The following CCDC138 variants were observed in gnomAD, a reference collection of about 807,000 sequenced individuals.
CCDC138 encodes coiled-coil domain-containing protein 138.
CCDC138 carries 66 observed loss-of-function variants against 82.3 expected under a neutral mutation model. The ratio of observed to expected loss-of-function variants is 0.80; its 90% confidence interval spans 0.66 to 0.98. CCDC138 has a LOEUF of 0.98. Ranked by LOEUF, CCDC138 falls within the 50% of genes least tolerant of loss-of-function variation. The pLI, the probability that CCDC138 is intolerant of heterozygous loss-of-function variation, is 0.00. For synonymous variants in CCDC138, 297 were observed against 265.4 expected (o/e 1.12, Z -1.16); for missense variants, 816 against 758.9 (o/e 1.08, Z -0.88).
chr2:108,849,947 A>G (rs749604487), intron 12 of CCDC138, among the ~76,000 whole-genome samples: 1 of 152,216 alleles, frequency 6.6e-6, no homozygotes, highest in African/African-American at 2.4e-5. Flanking sequence ...GTGCCTGCAC[A>G]CAAGACCTGG....
At chr2:108,789,125 TATTA>T (rs1257812741) in intron 3 of CCDC138, among the ~76,000 whole-genome samples, 159 bp downstream of exon 3, 1 of 152,248 alleles carries the variant, frequency 6.6e-6, no homozygotes, top group Non-Finnish European at 1.5e-5. Context: ...GCGAGTCACT[TATTA>T]ATTTTTACTG....
intron 13 of CCDC138, among the ~76,000 whole-genome samples, chr2:108,869,818 C>G (rs188150506): frequency 4.3e-4 from 65 of 152,266 alleles, no homozygotes; most frequent in Admixed American, 4.2e-3. Flanking sequence ...GAAGGCCTTT[C>G]ATGTCAGTCT....
downstream of CCDC138, among the ~76,000 whole-genome samples, chr2:108,879,534 CATT>C (rs536742190): frequency 4.4e-4 from 67 of 152,124 alleles, no homozygotes; most frequent in Non-Finnish European, 8.8e-4. Context: ...ATGACAGAAA[CATT>C]AATCCATGAT....
rs764469469 is a variant in CCDC138 at position 108,827,613 on chromosome 2, GA to G, written c.1206+11509del. On this transcript the variant is annotated intron_variant, in intron 10 of 14. Coordinates refer to ENST00000295124, the MANE Select transcript of CCDC138 (RefSeq NM_144978.3). ...GGGCGGATCACGAGGTCAGGAGACG[GA>G]GACTATCCTGGCTAACACAGTGAAA... Among the ~76,000 whole-genome samples, 561 of 152,120 alleles carry G rather than the reference GA, an allele frequency of 3.7e-3. 3 individuals are homozygous for G. Among genetic ancestry groups the G allele is most frequent in the Middle Eastern group, 6.8e-3 (2 of 294 alleles).
intron 12 of CCDC138, among the ~76,000 whole-genome samples, chr2:108,850,275 GA>G (rs1691232497): frequency 6.6e-6 from 1 of 152,094 alleles, no homozygotes; most frequent in African/African-American, 2.4e-5. Flanking sequence ...AAATTTAGTA[GA>G]AAATGAGAAA....
At chr2:108,858,825 C>T (rs1182421144) in intron 13 of CCDC138, among the ~76,000 whole-genome samples, 3 of 151,936 alleles carry the variant, frequency 2.0e-5, no homozygotes, top group African/African-American at 7.3e-5. Flanking sequence ...CCAGCTGCAT[C>T]CATGTTGCTG....
At position 108,876,274 on chromosome 2, in the gene CCDC138, A is replaced by G. The variant is rs201629251; in HGVS notation, c.*21A>G. On this transcript the variant is annotated 3_prime_UTR_variant, in exon 15 of 15. Coordinates refer to ENST00000295124, the MANE Select transcript of CCDC138 (RefSeq NM_144978.3). The stretch of plus-strand genomic sequence containing the variant: ...CTTAGACTGGCTAATTTTTTAATAT[A>G]GTATATGTGGTGCTTATTTATAAAC... 2 of 1,459,666 alleles carry G rather than the reference A, an allele frequency of 1.4e-6. No individual in the cohort carries two copies. Among genetic ancestry groups the G allele is most frequent in the Non-Finnish European group, 1.9e-6 (2 of 1,060,614 alleles). The allele number at this position is 1,459,666 out of a possible 1,614,324, so 90.4% of individuals were successfully genotyped here. A position where few individuals can be genotyped will look rare whatever the true frequency, so the allele number is the denominator to read the frequency against.
intron 13 of CCDC138, 64 bp from the exon 14 acceptor site, chr2:108,873,387 A>T (rs1442740436): frequency 1.4e-6 from 2 of 1,383,030 alleles, no homozygotes; most frequent in Non-Finnish European, 1.9e-6. Flanking sequence ...TCTGATTTTA[A>T]TTTGTTTTTA....
At chr2:108,881,115 A>G (rs574596222), downstream of CCDC138, among the ~76,000 whole-genome samples, 25 of 152,346 alleles carry the variant, frequency 1.6e-4, no homozygotes, top group African/African-American at 5.5e-4. Context: ...TGGTCTTCCA[A>G]TAGAAGGCTG....
chr2:108,795,953 G>T (rs1680795945), intron 5 of CCDC138, among the ~76,000 whole-genome samples: 1 of 152,196 alleles, frequency 6.6e-6, no homozygotes, highest in Non-Finnish European at 1.5e-5. Flanking sequence ...AGATTGCAAG[G>T]ATGTATCTAT....
chr2:108,788,964 T>C lies in CCDC138; in HGVS notation c.264T>C (p.Asn88=), dbSNP rs759060426. The C allele has an allele frequency of 1.2e-5, 19 of 1,613,856 alleles. No individual in the cohort carries two copies. The highest frequency in any genetic ancestry group is 1.4e-5 in the Non-Finnish European group (16 of 1,179,956). Residue 88 remains asparagine, a splice_region_variant and synonymous_variant, in exon 3 of 15, where the codon AAT becomes AAC. Coordinates refer to ENST00000295124, the MANE Select transcript of CCDC138 (RefSeq NM_144978.3). ...LGSLFKHVNV[N]CLDDELDSFH... ...GCTTATTCAAGCACGTAAATGTGAA[T>C]TGGTAAAGTACCCTGAAACTTTACT...
At chr2:108,821,040 T>A (rs533657984) in intron 10 of CCDC138, among the ~76,000 whole-genome samples, 1 of 152,134 alleles carries the variant, frequency 6.6e-6, no homozygotes, top group East Asian at 1.9e-4. Flanking sequence ...TAAGTCTATG[T>A]TAGGGGTTAA....
At chr2:108,824,721 A>G (rs1268938119) in intron 10 of CCDC138, among the ~76,000 whole-genome samples, 2 of 152,248 alleles carry the variant, frequency 1.3e-5, no homozygotes, top group African/African-American at 4.8e-5. Flanking sequence ...ACTGTACATA[A>G]CAAATGTATG....
chr2:108,844,594 G>A (rs1225376719), intron 11 of CCDC138, among the ~76,000 whole-genome samples: 1 of 152,062 alleles, frequency 6.6e-6, no homozygotes, highest in South Asian at 2.1e-4. Flanking sequence ...TCCTTGGAAT[G>A]GTGGGTGATT....
chr2:108,846,371 G>A (rs1013241323), intron 11 of CCDC138, among the ~76,000 whole-genome samples: 1 of 151,970 alleles, frequency 6.6e-6, no homozygotes. Context: ...ACATATATTT[G>A]ATTTAATATT....
intron 9 of CCDC138, among the ~76,000 whole-genome samples, chr2:108,814,654 T>A (rs1684450427): frequency 1.3e-5 from 2 of 151,306 alleles, no homozygotes; most frequent in Admixed American, 6.6e-5. Context: ...TTTTATTTTT[T>A]AATTTATTAA....
chr2:108,828,050 T>A (rs1354027015), intron 10 of CCDC138, among the ~76,000 whole-genome samples: 1 of 151,840 alleles, frequency 6.6e-6, no homozygotes, highest in East Asian at 1.9e-4. Context: ...ATGATAAAGG[T>A]AGCATGTTAA....
intron 11 of CCDC138, 90 bp from the exon 12 acceptor site, chr2:108,846,648 A>G (rs1690531718): frequency 3.4e-6 from 4 of 1,163,356 alleles, no homozygotes; most frequent in South Asian, 2.9e-5. Flanking sequence ...CTGCATTCCA[A>G]CCTGGGCAAC....
intron 3 of CCDC138, among the ~76,000 whole-genome samples, chr2:108,789,453 G>A (rs1226767330): frequency 6.6e-6 from 1 of 152,164 alleles, no homozygotes; most frequent in African/African-American, 2.4e-5. Context: ...AATTAGCCAG[G>A]CTTGGTGGTG....
Sources: allele counts gnomAD v4.1 joint callset (sites outside exome capture counted in the v4.1 genomes callset), GRCh38; gene constraint gnomAD v4.1.1; transcripts MANE v1.5; gene names NCBI Gene and HGNC (gene_info 2026-07-23, HGNC 2026-07-21).